ABTB3: variants seen among roughly 807,000 people sequenced by gnomAD.
ABTB3 encodes the protein ankyrin repeat- and BTB/POZ domain-containing protein 3.
the ABTB3 span, among the ~76,000 whole-genome samples, chr12:107,568,614 A>G: frequency 1.3e-5 from 2 of 152,216 alleles, no homozygotes; most frequent in Admixed American, 6.5e-5. Flanking sequence ...CGTAGCTACC[A>G]AACTGGACAG....
At chr12:107,613,743 C>T in the ABTB3 span, among the ~76,000 whole-genome samples, 1 of 152,102 alleles carries the variant, frequency 6.6e-6, no homozygotes, top group African/African-American at 2.4e-5. Context: ...CTCTCCCTGG[C>T]GGCAGGATAT....
chr12:107,439,465 G>A, the ABTB3 span, among the ~76,000 whole-genome samples: 2 of 152,166 alleles, frequency 1.3e-5, no homozygotes, highest in Non-Finnish European at 2.9e-5. Context: ...GTGAGCCTGT[G>A]TGGATGCCGA....
chr12:107,356,240 A>G, the ABTB3 span, among the ~76,000 whole-genome samples: 2 of 152,220 alleles, frequency 1.3e-5, no homozygotes, highest in Admixed American at 6.5e-5. Flanking sequence ...TATTCATCTT[A>G]GTATCCTTAC....
At chr12:107,349,088 C>T in the ABTB3 span, among the ~76,000 whole-genome samples, 1 of 152,158 alleles carries the variant, frequency 6.6e-6, no homozygotes, top group African/African-American at 2.4e-5. Flanking sequence ...AGTTCAGTGC[C>T]CTCTACTCAC....
the ABTB3 span, among the ~76,000 whole-genome samples, chr12:107,573,428 G>A: frequency 6.6e-6 from 1 of 152,064 alleles, no homozygotes; most frequent in African/African-American, 2.4e-5. Flanking sequence ...ATGTGTGGGT[G>A]GATGAATGAA....
At chr12:107,645,494 G>C in the ABTB3 span, among the ~76,000 whole-genome samples, 1 of 147,522 alleles carries the variant, frequency 6.8e-6, no homozygotes, top group African/African-American at 2.5e-5. Context: ...AGGCCTGGCT[G>C]ACTCCCAGAC....
At chr12:107,504,180 T>C in the ABTB3 span, among the ~76,000 whole-genome samples, 1 of 152,244 alleles carries the variant, frequency 6.6e-6, no homozygotes, top group Non-Finnish European at 1.5e-5. Flanking sequence ...AATGGGATTC[T>C]AATGTTTTTA....
chr12:107,581,343 G>A, the ABTB3 span: 7 of 1,293,672 alleles, frequency 5.4e-6, no homozygotes, highest in Non-Finnish European at 5.9e-6. Context: ...AGGGGAGGGA[G>A]GGCTCCGGCC....
the ABTB3 span, among the ~76,000 whole-genome samples, chr12:107,636,270 A>G: frequency 1.6e-4 from 24 of 152,300 alleles, 1 homozygote; most frequent in African/African-American, 5.8e-4. Context: ...TCAACCTACA[A>G]AAAGGAGAAG....
chr12:107,502,926 G>A, the ABTB3 span, among the ~76,000 whole-genome samples: 9,198 of 152,190 alleles, frequency 0.06, 329 homozygotes, highest in Non-Finnish European at 0.066. Flanking sequence ...GCTGGGGACC[G>A]CTATTTTAAA....
At chr12:107,339,680 CGTGTGT>C in the ABTB3 span, among the ~76,000 whole-genome samples, 302 of 149,228 alleles carry the variant, frequency 2.0e-3, 1 homozygote, top group Middle Eastern at 3.4e-3. Flanking sequence ...TGTGCATGCA[CGTGTGT>C]GTGTGTGTGT....
the ABTB3 span, among the ~76,000 whole-genome samples, chr12:107,461,816 G>A: frequency 3.3e-5 from 5 of 152,182 alleles, no homozygotes; most frequent in African/African-American, 1.2e-4. Context: ...CAGGCCTGGG[G>A]CTGGGGATCT....
At chr12:107,570,566 T>A in the ABTB3 span, among the ~76,000 whole-genome samples, 8 of 152,304 alleles carry the variant, frequency 5.3e-5, no homozygotes, top group South Asian at 1.7e-3. Flanking sequence ...TAGTTTTACC[T>A]TCTTAGAAGG....
chr12:107,363,685 T>A, the ABTB3 span, among the ~76,000 whole-genome samples: 3 of 152,226 alleles, frequency 2.0e-5, no homozygotes, highest in Non-Finnish European at 4.4e-5. Flanking sequence ...AGGCTGTTTT[T>A]TCTTCTATTT....
the ABTB3 span, among the ~76,000 whole-genome samples, chr12:107,406,681 C>T: frequency 1.3e-5 from 2 of 152,158 alleles, no homozygotes; most frequent in Non-Finnish European, 2.9e-5. Flanking sequence ...GGGGATAAGA[C>T]AGTGACCAAA....
At chr12:107,340,898 G>A in the ABTB3 span, among the ~76,000 whole-genome samples, 19 of 152,278 alleles carry the variant, frequency 1.2e-4, no homozygotes, top group Middle Eastern at 0.014. Context: ...ACAGAAGGGC[G>A]GTGCTGAGTG....
chr12:107,434,194 A>T, the ABTB3 span, among the ~76,000 whole-genome samples: 2 of 152,216 alleles, frequency 1.3e-5, no homozygotes, highest in Admixed American at 6.5e-5. Context: ...TCTCAGAGTT[A>T]TCCCACCTGT....
chr12:107,430,814 G>C, the ABTB3 span, among the ~76,000 whole-genome samples: 1 of 152,114 alleles, frequency 6.6e-6, no homozygotes, highest in East Asian at 1.9e-4. Flanking sequence ...AATACCTTCT[G>C]TCATATTCAA....
At chr12:107,558,511 G>A in the ABTB3 span, among the ~76,000 whole-genome samples, 1 of 152,150 alleles carries the variant, frequency 6.6e-6, no homozygotes, top group Non-Finnish European at 1.5e-5. Flanking sequence ...AGGTGTCATG[G>A]GGGCCTTTGA....
Sources: allele counts gnomAD v4.1 joint callset (sites outside exome capture counted in the v4.1 genomes callset), GRCh38; gene constraint gnomAD v4.1.1; transcripts MANE v1.5; gene names NCBI Gene and HGNC (gene_info 2026-07-23, HGNC 2026-07-21).